The following ANK2 variants were observed in gnomAD, a reference collection of about 807,000 sequenced individuals.
ANK2 encodes the protein ankyrin 2, also known as ankyrin-2.
ANK2 carries 83 observed loss-of-function variants against 360.5 expected under a neutral mutation model. The ratio of observed to expected loss-of-function variants is 0.23; its 90% CI spans 0.19 to 0.28. ANK2 has a LOEUF of 0.28. Ranked by LOEUF, ANK2 falls within the 10% of genes least tolerant of loss-of-function variation. The pLI is 1.00. For synonymous variants in ANK2, 1,740 were observed against 1,759.5 expected (o/e 0.99, Z 0.28); for missense variants, 4,201 against 4,795.7 (o/e 0.88, Z 3.66).
At chr4:113,287,008 G>A (rs29364) in intron 18 of ANK2, among the ~76,000 whole-genome samples, 8,171 of 152,124 alleles carry the variant, frequency 0.054, 736 homozygotes, top group African/African-American at 0.19. Context: ...ATTACTTGAT[G>A]TATATATACC....
chr4:112,810,137 ATATATATATATATATATATATATTTTTTT>A, the ANK2 span, among the ~76,000 whole-genome samples: 2 of 32,798 alleles, frequency 6.1e-5, no homozygotes, highest in Non-Finnish European at 1.2e-4. Context: ...ATATATATAT[ATATATATATATATATATATATATTTTTTT>A]TTTTTTTTTT....
intron 24 of ANK2, among the ~76,000 whole-genome samples, chr4:113,312,007 A>T (rs1045760403): frequency 6.6e-6 from 1 of 152,196 alleles, no homozygotes; most frequent in African/African-American, 2.4e-5. Flanking sequence ...ATATTCTGAG[A>T]TATATGATCA....
intron 2 of ANK2, among the ~76,000 whole-genome samples, chr4:112,975,792 A>G (rs140603473): frequency 1.3e-5 from 2 of 152,276 alleles, no homozygotes; most frequent in Admixed American, 1.3e-4. Context: ...ATGATCAGAT[A>G]TATCATTTAA....
chr4:112,999,687 A>G (rs1352377485), intron 2 of ANK2, among the ~76,000 whole-genome samples: 1 of 151,848 alleles, frequency 6.6e-6, no homozygotes, highest in East Asian at 1.9e-4. Flanking sequence ...AAAAAAACCC[A>G]AAGAGGCCCA....
At chr4:113,172,989 T>G (rs1285927969) in intron 1 of ANK2, among the ~76,000 whole-genome samples, 1 of 152,206 alleles carries the variant, frequency 6.6e-6, no homozygotes, top group Non-Finnish European at 1.5e-5. Context: ...ACTCTGCCAT[T>G]GGTACAGACT....
chr4:113,263,756 G>T (rs917631502), intron 13 of ANK2, among the ~76,000 whole-genome samples: 5 of 152,194 alleles, frequency 3.3e-5, no homozygotes, highest in Admixed American at 2.6e-4. Flanking sequence ...TAGAACAGTT[G>T]TGGTAAATCA....
intron 1 of ANK2, among the ~76,000 whole-genome samples, chr4:113,076,878 T>G (rs2080255387): frequency 6.6e-6 from 1 of 152,118 alleles, no homozygotes; most frequent in African/African-American, 2.4e-5. Context: ...CATGTTGCAT[T>G]TTTTGTAAGA....
At chr4:113,261,163 A>G (rs1379464776) in intron 13 of ANK2, among the ~76,000 whole-genome samples, 1 of 152,180 alleles carries the variant, frequency 6.6e-6, no homozygotes, top group African/African-American at 2.4e-5. Flanking sequence ...GAGGTGTACC[A>G]GTAACTCAAT....
chr4:113,337,097 A>G (rs2093639307), intron 31 of ANK2, among the ~76,000 whole-genome samples: 1 of 152,212 alleles, frequency 6.6e-6, no homozygotes, highest in South Asian at 2.1e-4. Flanking sequence ...CTTGCACTAT[A>G]AATATTTGGT....
chr4:113,351,896 T>C (rs1407640683), intron 37 of ANK2, among the ~76,000 whole-genome samples: 1 of 152,190 alleles, frequency 6.6e-6, no homozygotes, highest in Admixed American at 6.5e-5. Flanking sequence ...AAAGAAGTGC[T>C]CTGTGGAAGG....
At chr4:112,706,342 A>G in the ANK2 span, among the ~76,000 whole-genome samples, 1 of 152,136 alleles carries the variant, frequency 6.6e-6, no homozygotes, top group African/African-American at 2.4e-5. Flanking sequence ...CAACTTGGCT[A>G]CATCGCCCGG....
chr4:112,904,481 A>G, exon 2 of ANK2: 1 of 1,503,034 alleles, frequency 6.7e-7, no homozygotes, highest in Non-Finnish European at 9.0e-7. Flanking sequence ...GACATGAAGA[A>G]TTGGTATTTC....
intron 2 of ANK2, among the ~76,000 whole-genome samples, chr4:112,906,082 T>A (rs2085101553): frequency 6.6e-6 from 1 of 152,166 alleles, no homozygotes; most frequent in Admixed American, 6.5e-5. Flanking sequence ...AAAAGCTAAG[T>A]CAGAAATTGG....
intron 1 of ANK2, among the ~76,000 whole-genome samples, chr4:113,093,528 C>T (rs683964): frequency 0.82 from 124,460 of 151,912 alleles, 51,567 homozygotes; most frequent in African/African-American, 0.95. Context: ...TTAGTAGAGA[C>T]AGAGTTTCAC....
chr4:113,242,709 G>A (rs1396782502), intron 9 of ANK2, among the ~76,000 whole-genome samples: 2 of 152,188 alleles, frequency 1.3e-5, no homozygotes, highest in Non-Finnish European at 2.9e-5. Flanking sequence ...CATACAGTTA[G>A]TATACTATAC....
At chr4:112,830,340 C>G (rs948548757) in intron 1 of ANK2, among the ~76,000 whole-genome samples, 1 of 152,188 alleles carries the variant, frequency 6.6e-6, no homozygotes, top group Non-Finnish European at 1.5e-5. Context: ...AGATCATGTC[C>G]TTTGTAGCAA....
chr4:112,979,307 T>C (rs1331916522), intron 2 of ANK2, among the ~76,000 whole-genome samples: 1 of 152,208 alleles, frequency 6.6e-6, no homozygotes, highest in Non-Finnish European at 1.5e-5. Flanking sequence ...CATGCGAGGC[T>C]GTGGCTGGAT....
chr4:113,328,441 A>C (rs2153905244), intron 26 of ANK2, among the ~76,000 whole-genome samples: 1 of 152,262 alleles, frequency 6.6e-6, no homozygotes, highest in East Asian at 1.9e-4. Flanking sequence ...ATCTGTCTAG[A>C]AGTGTTACCA....
At chr4:112,736,244 C>G in the ANK2 span, among the ~76,000 whole-genome samples, 1 of 152,048 alleles carries the variant, frequency 6.6e-6, no homozygotes, top group Non-Finnish European at 1.5e-5. Context: ...GGGCAGATTG[C>G]CTGAGCTCAG....
Sources: allele counts gnomAD v4.1 joint callset (sites outside exome capture counted in the v4.1 genomes callset), GRCh38; gene constraint gnomAD v4.1.1; transcripts MANE v1.5; gene names NCBI Gene and HGNC (gene_info 2026-07-23, HGNC 2026-07-21).